Variants in TBC1D22A observed in about 807,000 individuals in gnomAD.
TBC1D22A encodes TBC1 domain family member 22A.
In TBC1D22A, 38 loss-of-function variants were observed where a neutral mutation model predicts 60.2. The observed-to-expected ratio is 0.63, with a 90% confidence interval of 0.49 to 0.83. TBC1D22A has a LOEUF of 0.83. TBC1D22A is among the 40% of genes least tolerant of loss of function. TBC1D22A has a pLI of 0.00. For synonymous variants in TBC1D22A, 302 were observed against 281.7 expected (o/e 1.07, Z -0.72); for missense variants, 628 against 701.0 (o/e 0.90, Z 1.18).
intron 11 of TBC1D22A, among the ~76,000 whole-genome samples, chr22:47,050,252 G>A (rs1027347410): frequency 5.9e-5 from 9 of 151,858 alleles, no homozygotes; most frequent in South Asian, 2.1e-4. Context: ...TGATCCGCCC[G>A]CCTCGGCCCC....
At chr22:47,106,648 A>G (rs559981884) in intron 11 of TBC1D22A, among the ~76,000 whole-genome samples, 22 of 152,346 alleles carry the variant, frequency 1.4e-4, no homozygotes, top group African/African-American at 5.1e-4. Flanking sequence ...GAATTTAAAG[A>G]AGGATAATAA....
At chr22:46,827,443 C>A (rs1413938200) in intron 4 of TBC1D22A, among the ~76,000 whole-genome samples, 1 of 152,244 alleles carries the variant, frequency 6.6e-6, no homozygotes, top group Non-Finnish European at 1.5e-5. Flanking sequence ...CATTGCCTAT[C>A]CCTAAGGCAT....
intron 11 of TBC1D22A, among the ~76,000 whole-genome samples, chr22:47,090,943 C>T (rs945192137): frequency 4.0e-5 from 5 of 126,570 alleles, no homozygotes. Flanking sequence ...GGGGTGGCTG[C>T]GTGTTGATAG....
chr22:46,913,927 G>A (rs778602093), intron 8 of TBC1D22A: 50 of 287,964 alleles, frequency 1.7e-4, no homozygotes, highest in Non-Finnish European at 2.4e-4. Context: ...AATGGAATTT[G>A]TGTCCTATAA....
At chr22:46,876,019 C>T (rs2067544437) in intron 4 of TBC1D22A, among the ~76,000 whole-genome samples, 1 of 152,128 alleles carries the variant, frequency 6.6e-6, no homozygotes, top group Non-Finnish European at 1.5e-5. Context: ...GTCAGGAAGG[C>T]ATCTTAGATG....
At chr22:46,884,921 A>G (rs1451976526) in intron 5 of TBC1D22A, among the ~76,000 whole-genome samples, 1 of 152,204 alleles carries the variant, frequency 6.6e-6, no homozygotes, top group African/African-American at 2.4e-5. Context: ...TCAGAGAGGC[A>G]GGAAGGGCCA....
At chr22:46,860,859 G>A (rs2087838312) in intron 4 of TBC1D22A, among the ~76,000 whole-genome samples, 8 of 152,236 alleles carry the variant, frequency 5.3e-5, no homozygotes, top group Admixed American at 5.2e-4. Context: ...GTGTTGAGTG[G>A]GGGTTACAGG....
intron 8 of TBC1D22A, among the ~76,000 whole-genome samples, chr22:46,963,885 G>A (rs2073670003): frequency 6.6e-6 from 1 of 152,202 alleles, no homozygotes; most frequent in East Asian, 1.9e-4. Flanking sequence ...AGGGACACCT[G>A]TTATCTGAAG....
chr22:46,986,653 C>G (rs1432467223), intron 9 of TBC1D22A, among the ~76,000 whole-genome samples: 4 of 152,104 alleles, frequency 2.6e-5, no homozygotes, highest in African/African-American at 9.7e-5. Flanking sequence ...AATGGCATAG[C>G]TTTGTTGGTA....
intron 7 of TBC1D22A, among the ~76,000 whole-genome samples, chr22:46,909,714 G>A (rs2069763281): frequency 6.6e-6 from 1 of 152,170 alleles, no homozygotes; most frequent in South Asian, 2.1e-4. Flanking sequence ...ACCCTTTTGG[G>A]GGCTCAGAGG....
intron 4 of TBC1D22A, among the ~76,000 whole-genome samples, chr22:46,816,637 G>C (rs778586819): frequency 6.6e-6 from 1 of 152,164 alleles, no homozygotes; most frequent in Non-Finnish European, 1.5e-5. Flanking sequence ...AGTTAGCCAC[G>C]TGGTAGATGA....
At chr22:47,166,555 C>T (rs73889472) in intron 12 of TBC1D22A, among the ~76,000 whole-genome samples, 2,537 of 152,346 alleles carry the variant, frequency 0.017, 74 homozygotes, top group African/African-American at 0.057. Flanking sequence ...GCGAAGTCTG[C>T]GGTAGCCTGC....
At chr22:47,170,645 A>G (rs1272703660) in intron 12 of TBC1D22A, among the ~76,000 whole-genome samples, 12 of 148,002 alleles carry the variant, frequency 8.1e-5, no homozygotes, top group South Asian at 2.2e-4. Flanking sequence ...CGGAGAGAGG[A>G]CAGTCCTGGT....
chr22:46,899,442 G>A (rs553407578), intron 7 of TBC1D22A, among the ~76,000 whole-genome samples: 246 of 145,328 alleles, frequency 1.7e-3, no homozygotes, highest in Admixed American at 4.3e-3. Flanking sequence ...GCAATACTTC[G>A]TCTCAAAAAA....
chr22:47,119,851 A>C (rs190039242), intron 12 of TBC1D22A, among the ~76,000 whole-genome samples: 2 of 152,236 alleles, frequency 1.3e-5, no homozygotes, highest in East Asian at 3.9e-4. Context: ...TGGAGACTGG[A>C]AGTTCAAGAT....
At chr22:47,016,007 C>T (rs2061901107) in intron 10 of TBC1D22A, among the ~76,000 whole-genome samples, 1 of 152,110 alleles carries the variant, frequency 6.6e-6, no homozygotes, top group Non-Finnish European at 1.5e-5. Flanking sequence ...TCCACGTGCC[C>T]CCCTGGGATG....
At chr22:46,945,199 C>T (rs2072456369) in intron 8 of TBC1D22A, among the ~76,000 whole-genome samples, 2 of 152,114 alleles carry the variant, frequency 1.3e-5, no homozygotes, top group Non-Finnish European at 2.9e-5. Flanking sequence ...TTTGAAATGC[C>T]AGATTGTGTG....
intron 7 of TBC1D22A, among the ~76,000 whole-genome samples, chr22:46,906,500 C>G (rs2069477720): frequency 6.6e-6 from 1 of 152,228 alleles, no homozygotes; most frequent in Admixed American, 6.5e-5. Flanking sequence ...GAAAGACGCT[C>G]AGGCCTCCTC....
intron 11 of TBC1D22A, among the ~76,000 whole-genome samples, chr22:47,037,577 G>C (rs942386059): frequency 6.6e-6 from 1 of 152,204 alleles, no homozygotes; most frequent in Non-Finnish European, 1.5e-5. Flanking sequence ...GTTGCAGGGA[G>C]CCAAGCTTGC....
Sources: gnomAD v4.1 joint callset for allele counts (sites outside exome capture counted in the v4.1 genomes callset) on GRCh38, gnomAD v4.1.1 for gene constraint, MANE v1.5 for transcripts, NCBI Gene and HGNC (gene_info 2026-07-23, HGNC 2026-07-21) for gene names.